GNL2: variants seen among roughly 807,000 people sequenced by gnomAD.
GNL2 encodes the protein G protein nucleolar 2.
GNL2 carries 51 observed loss-of-function variants against 92.3 expected under a neutral mutation model. The ratio of observed to expected loss-of-function variants is 0.55; its 90% CI spans 0.44 to 0.70. The LOEUF is 0.70. GNL2 is among the 30% of genes least tolerant of loss of function. GNL2 has a pLI of 0.00. For missense variants in GNL2, 844 were observed against 895.6 expected (o/e 0.94, Z 0.74); for synonymous variants, 283 against 300.6 (o/e 0.94, Z 0.61).
intron 8 of GNL2, among the ~76,000 whole-genome samples, chr1:37,579,020 G>T (rs1383781643): frequency 1.3e-5 from 2 of 152,044 alleles, no homozygotes; most frequent in East Asian, 1.9e-4. Context: ...TAAAGTAAAA[G>T]AAAAAATTTT....
intron 3 of GNL2, among the ~76,000 whole-genome samples, chr1:37,591,485 C>T (rs994940713): frequency 2.6e-5 from 4 of 151,492 alleles, no homozygotes; most frequent in Non-Finnish European, 4.4e-5. Context: ...CTATTCTAAG[C>T]ACTTTATATA....
chr1:37,595,724 C>G (rs1399934647), intron 1 of GNL2, 35 bp downstream of exon 1: 1 of 1,597,400 alleles, frequency 6.3e-7, no homozygotes, highest in East Asian at 2.2e-5. Context: ...ATACTTCCTC[C>G]AAGCTCCACC....
At chr1:37,573,278 G>C (rs1420025946) in intron 12 of GNL2, among the ~76,000 whole-genome samples, 1 of 152,242 alleles carries the variant, frequency 6.6e-6, no homozygotes, top group Non-Finnish European at 1.5e-5. Context: ...ACTGCAACTT[G>C]GAATGGGGTC....
At position 37,586,144 on chromosome 1, in the gene GNL2, T is replaced by C. The variant is rs555788626; in HGVS notation, c.569+1167A>G. On this transcript the variant is annotated intron_variant, in intron 5 of 15. Transcript: ENST00000373062. Reference sequence around the variant, plus strand: ...CAAAATACTACTCTGACAATAAATATTATATTATTGTTGATTATGTACTGA... The same window carrying C: ...CAAAATACTACTCTGACAATAAATACTATATTATTGTTGATTATGTACTGA... Among the ~76,000 whole-genome samples the C allele has an allele frequency of 3.9e-5, 6 of 152,208 alleles. No homozygotes were observed. In the East Asian group the frequency reaches 1.2e-3, roughly 29 times the overall value.
In GNL2 at chr1:37,582,837, G is replaced by A. The variant is rs1467615486; in HGVS notation, c.736C>T (p.Pro246Ser). 1.9e-6 allele frequency: 3 copies of A among 1,613,672 alleles called. No individual in the cohort carries two copies. The highest frequency in any genetic ancestry group is 2.7e-5 in the African/African-American group (2 of 74,904). The change falls in exon 7 of 16, where the codon CCT becomes TCT. Residue 246 changes from proline to serine, a missense_variant. By Grantham distance (74) the Pro-to-Ser change is moderately conservative. Transcript: ENST00000373062. ...HIETYLKKEK[P>S]WKHLIFVLNK... ...AGTACAAAAATGAGGTGTTTCCAAG[G>A]TTTTTCCTTCTTCAGGTAAGTTTCA...
chr1:37,574,312 C>T (rs751164174), intron 12 of GNL2, 31 bp downstream of exon 12: 1 of 1,408,960 alleles, frequency 7.1e-7, no homozygotes, highest in Non-Finnish European at 1.0e-6. Context: ...AGGACCCATG[C>T]TCCCCAGAGG....
intron 3 of GNL2, among the ~76,000 whole-genome samples, chr1:37,592,200 G>C (rs1466710484): frequency 2.6e-5 from 4 of 152,198 alleles, no homozygotes; most frequent in African/African-American, 4.8e-5. Context: ...AAATGAGACA[G>C]GGAGTTTTCC....
chr1:37,592,659 G>T, intron 3 of GNL2, 53 bp downstream of exon 3: 2 of 993,098 alleles, frequency 2.0e-6, no homozygotes, highest in Non-Finnish European at 3.2e-6. Flanking sequence ...CATCCTAGCC[G>T]TTTCCACTCA....
chr1:37,579,644 T>C (rs1192470660), intron 8 of GNL2, among the ~76,000 whole-genome samples: 1 of 151,608 alleles, frequency 6.6e-6, no homozygotes, highest in Non-Finnish European at 1.5e-5. Context: ...ATGCCTGTAA[T>C]CCCAACACTT....
chr1:37,576,580 C>T (rs1182906815), intron 8 of GNL2, 24 bp from the exon 9 acceptor site: 1 of 1,609,318 alleles, frequency 6.2e-7, no homozygotes, highest in Non-Finnish European at 8.5e-7. Flanking sequence ...GAATACACAG[C>T]ACATACATGC....
intron 4 of GNL2, among the ~76,000 whole-genome samples, chr1:37,589,398 G>A (rs1481341175): frequency 2.0e-5 from 3 of 152,136 alleles, no homozygotes; most frequent in Admixed American, 1.3e-4. Context: ...TCTGCCTCCC[G>A]GGTTCATATC....
At position 37,575,659 on chromosome 1, in the gene GNL2, A is replaced by G. The variant is rs1457742960; in HGVS notation, c.1079T>C (p.Ile360Thr). 1.9e-6 allele frequency: 3 copies of G among 1,603,252 alleles called. No homozygotes were observed. The highest frequency in any genetic ancestry group is 2.5e-6 in the Non-Finnish European group (3 of 1,176,586). The change falls in exon 10 of 16, where the codon ATT becomes ACT. Residue 360 changes from isoleucine to threonine, a missense_variant. Transcript: ENST00000373062. This position sits in a 1 kb window ranked among gnomAD's most constrained non-coding sequence, Gnocchi z 4.1. ...GGGGTAAACCACACCTGGACAGTCA[A>G]TCAGGAATATCCGACGCATCAAAGT... The part of the protein sequence containing the change: ...YITLMRRIFL[I>T]DCPGVVYPSE...
intron 3 of GNL2, among the ~76,000 whole-genome samples, chr1:37,591,261 C>T (rs1643885778): frequency 6.6e-6 from 1 of 152,130 alleles, no homozygotes; most frequent in South Asian, 2.1e-4. Flanking sequence ...TAGTTAGCCA[C>T]TTTTAGGGTT....
chr1:37,591,292 T>C (rs1220566714), intron 3 of GNL2, among the ~76,000 whole-genome samples: 2 of 152,100 alleles, frequency 1.3e-5, no homozygotes, highest in Non-Finnish European at 2.9e-5. Context: ...AAAGGGACTA[T>C]TAACCAATGA....
intron 8 of GNL2, among the ~76,000 whole-genome samples, chr1:37,579,270 G>A (rs767213616): frequency 3.9e-5 from 6 of 152,238 alleles, no homozygotes; most frequent in Admixed American, 2.0e-4. Context: ...GAAAGTGGCC[G>A]GGAGCAGTGG....
chr1:37,570,717 G>C (rs546842918), intron 12 of GNL2: 1 of 152,242 alleles, frequency 6.6e-6, no homozygotes, highest in South Asian at 2.1e-4. Flanking sequence ...CCAATCTGTA[G>C]TATTCTGTTG....
Position 37,595,842 on chromosome 1 carries a change from C to T in GNL2, c.-20G>A, listed in dbSNP as rs1318141879. Reference sequence around the variant, plus strand: ...CACCATCTTGGCGACGAGACCGGGACCGGAGTGCGAGGTCCGGCTTACGTG... The same window carrying T: ...CACCATCTTGGCGACGAGACCGGGATCGGAGTGCGAGGTCCGGCTTACGTG... On this transcript the variant is annotated 5_prime_UTR_variant, in exon 1 of 16. Transcript: ENST00000373062. 24 of 1,611,904 alleles carry T rather than the reference C, an allele frequency of 1.5e-5. No individual in the cohort carries two copies. Among genetic ancestry groups the T allele is most frequent in the African/African-American group, 4.0e-5 (3 of 74,880 alleles).
At chr1:37,590,949 G>T in intron 3 of GNL2, 104 bp from the exon 4 acceptor site, 1 of 970,456 alleles carries the variant, frequency 1.0e-6, no homozygotes, top group Non-Finnish European at 1.5e-6. Context: ...ACTTACCCAA[G>T]CACCTGATCC....
intron 8 of GNL2, among the ~76,000 whole-genome samples, chr1:37,579,335 G>A (rs917445558): frequency 6.6e-6 from 1 of 151,832 alleles, no homozygotes; most frequent in African/African-American, 2.4e-5. Context: ...ATCACCTGAG[G>A]TCGGAAGTTT....
Sources: allele counts gnomAD v4.1 joint callset (sites outside exome capture counted in the v4.1 genomes callset), GRCh38; gene constraint gnomAD v4.1.1; non-coding constraint Gnocchi (gnomAD v3.1); transcripts MANE v1.5; gene names NCBI Gene and HGNC (gene_info 2026-07-23, HGNC 2026-07-21).